The following SCUBE1 variants were observed in gnomAD, a reference collection of about 807,000 sequenced individuals.
SCUBE1 encodes the protein signal peptide, CUB domain and EGF like domain containing 1, also known as signal peptide, CUB and EGF-like domain-containing protein 1.
In SCUBE1, 59 loss-of-function variants were observed where a neutral mutation model predicts 124.4. That is an observed-to-expected ratio of 0.47 (90% confidence interval 0.38 to 0.59). The LOEUF is 0.59. Among genes scored for constraint, SCUBE1 ranks in the 20% least tolerant of loss-of-function variants. The pLI is 0.00. For missense variants in SCUBE1, 1,150 were observed against 1,371.2 expected (o/e 0.84, Z 2.55); for synonymous variants, 545 against 550.9 (o/e 0.99, Z 0.15).
intron 3 of SCUBE1, among the ~76,000 whole-genome samples, chr22:43,307,281 A>G (rs748132474): frequency 6.6e-6 from 1 of 152,198 alleles, no homozygotes; most frequent in Non-Finnish European, 1.5e-5. Flanking sequence ...CACCTGAGTG[A>G]GCCCTGAGGA....
Position 43,238,916 on chromosome 22 carries a change from A to C in SCUBE1, c.766T>G (p.Cys256Gly), listed in dbSNP as rs1292742251. ...AVNNGGCDRT[C>G]KDTATGVRCS... ...CGCACGCCAGTGGCTGTGTCCTTGC[A>C]TGTCCGGTCGCAGCCTCCGTTATTG... Residue 256 changes from cysteine (C) to glycine (G), a missense_variant, in exon 7 of 22, where the codon TGC becomes GGC. By Grantham distance (159) the Cys-to-Gly change is radical. Transcript: ENST00000360835. 2 of 1,613,070 alleles carry C rather than the reference A, an allele frequency of 1.2e-6. No homozygotes were observed. The highest frequency in any genetic ancestry group is 3.3e-5 in the Admixed American group (2 of 60,008).
chr22:43,211,813 C>T lies in SCUBE1; in HGVS notation c.2221+612G>A, dbSNP rs1370461768. Among the ~76,000 whole-genome samples the T allele has an allele frequency of 6.6e-6, 1 of 152,118 alleles. No individual in the cohort carries two copies. Among genetic ancestry groups the T allele is most frequent in the Non-Finnish European group, 1.5e-5 (1 of 68,034 alleles). ...TGCTGGGATTATAGGTGTGTGCCAC[C>T]GCACCTGGCTTCTTTTTTTAAATGG... On this transcript the variant is annotated intron_variant, in intron 17 of 21. Transcript: ENST00000360835. This position sits in a 1 kb window ranked among gnomAD's most constrained non-coding sequence, Gnocchi z 4.5.
At chr22:43,257,646 C>G (rs981078621) in intron 6 of SCUBE1, among the ~76,000 whole-genome samples, 6 of 152,132 alleles carry the variant, frequency 3.9e-5, no homozygotes, top group African/African-American at 1.4e-4. Context: ...TTGGAGAGAC[C>G]AGCAGTGAAA....
At chr22:43,323,246 A>G (rs576118344) in intron 2 of SCUBE1, among the ~76,000 whole-genome samples, 190 of 152,200 alleles carry the variant, frequency 1.2e-3, no homozygotes, top group African/African-American at 3.5e-3. Flanking sequence ...ACACATACAC[A>G]TGTGTGCATG....
chr22:43,326,399 G>A (rs1439769106), intron 2 of SCUBE1, among the ~76,000 whole-genome samples: 3 of 152,012 alleles, frequency 2.0e-5, no homozygotes, highest in Non-Finnish European at 2.9e-5. Flanking sequence ...ATCTTAATCC[G>A]GTTTGTTGGC....
At chr22:43,338,975 T>TA (rs1927175038) in intron 2 of SCUBE1, 129 bp downstream of exon 2, 1 of 1,077,044 alleles carries the variant, frequency 9.3e-7, no homozygotes, top group African/African-American at 1.6e-5. Context: ...GAGAAGCCTG[T>TA]GCTGTCAGCA....
At chr22:43,297,699 T>C (rs1360556791) in intron 3 of SCUBE1, among the ~76,000 whole-genome samples, 1 of 152,228 alleles carries the variant, frequency 6.6e-6, no homozygotes, top group Non-Finnish European at 1.5e-5. Context: ...AAGATGCTGA[T>C]GTTTGTTTTT....
rs150976854 is a variant in SCUBE1, at chr22:43,339,042, C to T, written c.220+62G>A. ...AGCTGGTGATGAATGGGGCAGGCAT[C>T]GGCCACCTACAGCAGCCCTGGCAGC... On this transcript the variant is annotated intron_variant, in intron 2 of 21. Coordinates refer to ENST00000360835, the MANE Select transcript of SCUBE1 (RefSeq NM_173050.5). 1.5e-4 allele frequency: 244 copies of T among 1,594,780 alleles called. No individual in the cohort carries two copies. The African/African-American group carries it at 2.1e-3, about 14-fold the overall frequency.
Position 43,238,951 on chromosome 22 carries a change from G to A in SCUBE1, c.731C>T (p.Thr244Met), listed in dbSNP as rs747699067. 1.3e-5 allele frequency: 21 copies of A among 1,608,946 alleles called. No homozygotes were observed. The highest frequency in any genetic ancestry group is 2.2e-5 in the East Asian group (1 of 44,772). ...LHSDGRTCIE[T>M]CAVNNGGCDR... ...GCAGCCTCCGTTATTGACTGCGCAC[G>A]TCTCTGGGGAGGGAAAGAGACAGAG... Residue 244 changes from threonine (T) to methionine (M), a missense_variant, in exon 7 of 22, where the codon ACG becomes ATG. By Grantham distance (81) the Thr-to-Met change is moderately conservative. Coordinates refer to ENST00000360835, the MANE Select transcript of SCUBE1 (RefSeq NM_173050.5).
chr22:43,309,210 C>T (rs555265032), intron 3 of SCUBE1, among the ~76,000 whole-genome samples: 3 of 152,020 alleles, frequency 2.0e-5, no homozygotes, highest in African/African-American at 4.8e-5. Flanking sequence ...TTAGCTCATT[C>T]GCATCTGTTG....
intron 20 of SCUBE1, 74 bp from the exon 21 acceptor site, chr22:43,207,687 C>T: frequency 8.8e-7 from 1 of 1,142,822 alleles, no homozygotes; most frequent in Non-Finnish European, 1.3e-6. Flanking sequence ...CACCTCCAGC[C>T]TCTGCCCTCC....
At chr22:43,326,271 G>A (rs1474019411) in intron 2 of SCUBE1, among the ~76,000 whole-genome samples, 4 of 152,152 alleles carry the variant, frequency 2.6e-5, no homozygotes, top group Admixed American at 1.3e-4. Context: ...CTGGCTGGGC[G>A]CTAGCACGTC....
At chr22:43,226,508 G>A (rs182368594) in intron 10 of SCUBE1, among the ~76,000 whole-genome samples, 1 of 152,154 alleles carries the variant, frequency 6.6e-6, no homozygotes, top group African/African-American at 2.4e-5. Context: ...TGAGGCTGGC[G>A]TGAAGCGAGG....
chr22:43,206,599 A>T (rs1220447800), intron 21 of SCUBE1, among the ~76,000 whole-genome samples: 2 of 151,766 alleles, frequency 1.3e-5, no homozygotes, highest in African/African-American at 4.8e-5. Flanking sequence ...CGCCCAGAGT[A>T]CGACAGGATG....
chr22:43,211,410 G>T lies in SCUBE1; in HGVS notation c.2222-327C>A, dbSNP rs866913471. ...CGTGCGGGGGAGACAGGGAGGAGGG[G>T]AAGTGGAGCCAGCTAGGCCAAACCC... On this transcript the variant is annotated intron_variant, in intron 17 of 21. Coordinates refer to ENST00000360835, the MANE Select transcript of SCUBE1 (RefSeq NM_173050.5). This position sits in a 1 kb window ranked among gnomAD's most constrained non-coding sequence, Gnocchi z 4.5. 4.6e-5 allele frequency among the ~76,000 whole-genome samples: 7 copies of T among 152,278 alleles called. No individual in the cohort carries two copies. The highest frequency in any genetic ancestry group is 6.8e-3 in the Middle Eastern group (2 of 294).
chr22:43,334,731 G>A (rs554774569), intron 2 of SCUBE1, among the ~76,000 whole-genome samples: 19 of 151,936 alleles, frequency 1.3e-4, no homozygotes, highest in Admixed American at 3.3e-4. Context: ...CAATAGCACC[G>A]TCATCATCAT....
At chr22:43,278,022 G>A (rs1924602716) in intron 4 of SCUBE1, among the ~76,000 whole-genome samples, 1 of 152,258 alleles carries the variant, frequency 6.6e-6, no homozygotes, top group African/African-American at 2.4e-5. Flanking sequence ...TCAGTACTGG[G>A]GGTGCCCCTG....
At chr22:43,247,146 G>A (rs1484486530) in intron 6 of SCUBE1, among the ~76,000 whole-genome samples, 6 of 152,234 alleles carry the variant, frequency 3.9e-5, no homozygotes, top group Non-Finnish European at 5.9e-5. Flanking sequence ...GAGTGCCCTA[G>A]TGACATGCTC....
chr22:43,340,548 G>A (rs1927279829), intron 1 of SCUBE1, among the ~76,000 whole-genome samples: 1 of 151,360 alleles, frequency 6.6e-6, no homozygotes, highest in Non-Finnish European at 1.5e-5. Context: ...CAGGCAGGGA[G>A]GGGACGTGCC....
Sources: gnomAD v4.1 joint callset for allele counts (sites outside exome capture counted in the v4.1 genomes callset) on GRCh38, gnomAD v4.1.1 for gene constraint, Gnocchi (gnomAD v3.1) non-coding constraint, MANE v1.5 for transcripts, NCBI Gene and HGNC (gene_info 2026-07-23, HGNC 2026-07-21) for gene names.